The following PARD3B variants were observed in gnomAD, a reference collection of about 807,000 sequenced individuals.
PARD3B encodes par-3 family cell polarity regulator beta.
In PARD3B, 103 loss-of-function variants were observed where a neutral mutation model predicts 130.2. That is an observed-to-expected ratio of 0.79 (90% CI 0.67 to 0.93). The LOEUF (loss-of-function observed/expected upper bound fraction) is 0.93. Among genes scored for constraint, PARD3B ranks in the 40% least tolerant of loss-of-function variants. The pLI, the probability that PARD3B is intolerant of heterozygous loss-of-function variation, is 0.00. For synonymous variants in PARD3B, 583 were observed against 553.2 expected (o/e 1.05, Z -0.76); for missense variants, 1,609 against 1,499.2 (o/e 1.07, Z -1.21).
rs748008390 is a variant in PARD3B at position 205,172,218 on chromosome 2, G to T, written c.1628G>T (p.Arg543Leu). 8 of 1,613,760 alleles carry T rather than the reference G, an allele frequency of 5.0e-6. No homozygotes were observed. Among genetic ancestry groups the T allele is most frequent in the Non-Finnish European group, 6.8e-6 (8 of 1,179,864 alleles). The part of the protein sequence containing the change: ...IHGGAAFKDG[R>L]LRMNDQLIAV... ...TCCTTTCTTCTGCCTTAGGATGGTC[G>T]TCTGCGAATGAATGACCAGCTGATT... is the stretch of plus-strand genomic sequence containing the variant. The change falls in exon 12 of 23, where the codon CGT becomes CTT. Residue 543 changes from arginine to leucine, a missense_variant. Arg to Leu is a moderately radical substitution (Grantham distance 102). Coordinates refer to ENST00000406610, the MANE Select transcript of PARD3B (RefSeq NM_001302769.2).
At chr2:205,450,943 C>T (rs879893424) in intron 20 of PARD3B, among the ~76,000 whole-genome samples, 3 of 152,134 alleles carry the variant, frequency 2.0e-5, no homozygotes, top group African/African-American at 4.8e-5. Flanking sequence ...ACTTGATTGT[C>T]CATTTGGTTC....
intron 19 of PARD3B, among the ~76,000 whole-genome samples, chr2:205,429,810 G>A (rs73055903): frequency 0.048 from 7,336 of 152,222 alleles, 619 homozygotes; most frequent in African/African-American, 0.17. Context: ...GAGACCAGAA[G>A]TCTGAAATCA....
intron 18 of PARD3B, among the ~76,000 whole-genome samples, chr2:205,367,922 A>T (rs1053023435): frequency 2.0e-5 from 3 of 152,206 alleles, no homozygotes; most frequent in African/African-American, 7.2e-5. Flanking sequence ...AACCTTAACA[A>T]TTCCATTGTT....
chr2:204,653,650 G>C lies in PARD3B; in HGVS notation c.121-32531G>C, dbSNP rs997105393. On this transcript the variant is annotated intron_variant, in intron 1 of 22. Coordinates refer to ENST00000406610, the MANE Select transcript of PARD3B (RefSeq NM_001302769.2). ...TACTAAAAATACAAAAATTAGCCAG[G>C]CATGGTAGCGGGCGCCTGTAGTCCC... Among the ~76,000 whole-genome samples the C allele has an allele frequency of 4.8e-4, 72 of 150,662 alleles. 2 individuals carry two copies. Among genetic ancestry groups the C allele is most frequent in the Non-Finnish European group, 1.0e-4 (7 of 68,006 alleles).
At chr2:205,386,632 T>A (rs529564838) in intron 18 of PARD3B, among the ~76,000 whole-genome samples, 1 of 143,608 alleles carries the variant, frequency 7.0e-6, no homozygotes, top group African/African-American at 2.6e-5. Context: ...CAAAAAAAAA[T>A]GAAACTTTAA....
At chr2:204,951,713 A>G (rs956571044) in intron 2 of PARD3B, among the ~76,000 whole-genome samples, 3 of 152,190 alleles carry the variant, frequency 2.0e-5, no homozygotes, top group Non-Finnish European at 2.9e-5. Context: ...AGCCAACTGG[A>G]TGATAGAACA....
At chr2:205,034,559 A>G (rs962639759) in intron 3 of PARD3B, among the ~76,000 whole-genome samples, 1 of 152,146 alleles carries the variant, frequency 6.6e-6, no homozygotes. Flanking sequence ...ATACAACTAC[A>G]TACACAAGAC....
At chr2:205,188,694 G>A (rs2036227115) in intron 14 of PARD3B, among the ~76,000 whole-genome samples, 1 of 151,936 alleles carries the variant, frequency 6.6e-6, no homozygotes. Flanking sequence ...GCAGCAGCAG[G>A]GGTTGGATGT....
At chr2:205,581,255 T>TATATAGATATATATAG (rs2053957138) in intron 22 of PARD3B, among the ~76,000 whole-genome samples, 3 of 136,010 alleles carry the variant, frequency 2.2e-5, no homozygotes, top group African/African-American at 8.7e-5. Context: ...TATATAGATA[T>TATATAGATATATATAG]ATATAGATAT....
intron 2 of PARD3B, among the ~76,000 whole-genome samples, chr2:204,728,811 C>T (rs1452819747): frequency 5.3e-5 from 8 of 152,104 alleles, no homozygotes; most frequent in Non-Finnish European, 1.5e-5. Flanking sequence ...GTTGTCTTTT[C>T]TTCTAATTTA....
rs575770238 is a variant in PARD3B, at chr2:205,585,939, A to T, written c.3261-29517A>T. The stretch of plus-strand genomic sequence containing the variant: ...AGCAGCCTACGTCCACAATAAACCA[A>T]CAGTCCAGGCATTGGTTTCTGAGCT... On this transcript the variant is annotated intron_variant, in intron 22 of 22. Transcript: ENST00000406610. This position sits in a 1 kb window ranked among gnomAD's most constrained non-coding sequence, Gnocchi z 5.4. Among the ~76,000 whole-genome samples, 1 of 152,272 alleles carries T rather than the reference A, an allele frequency of 6.6e-6. No homozygotes were observed. The highest frequency in any genetic ancestry group is 1.9e-4 in the East Asian group (1 of 5,184).
intron 3 of PARD3B, among the ~76,000 whole-genome samples, chr2:205,047,235 G>A (rs532926471): frequency 1.4e-4 from 21 of 152,216 alleles, no homozygotes; most frequent in Non-Finnish European, 2.4e-4. Flanking sequence ...CCCTTCATTC[G>A]TCTCCTGGAT....
chr2:204,971,909 C>T (rs1197716256), intron 3 of PARD3B, among the ~76,000 whole-genome samples: 9 of 150,122 alleles, frequency 6.0e-5, no homozygotes, highest in Non-Finnish European at 4.4e-5. Flanking sequence ...TGGCCTCAAG[C>T]AGTCCTCTTC....
chr2:204,545,938 G>A lies in PARD3B; in HGVS notation c.-62G>A. 2.5e-5 allele frequency: 37 copies of A among 1,465,062 alleles called. No individual in the cohort carries two copies. The highest frequency in any genetic ancestry group is 3.3e-5 in the Non-Finnish European group (37 of 1,110,008). The allele number at this position is 1,465,062 out of a possible 1,614,324, so 90.8% of individuals were successfully genotyped here. On this transcript the variant is annotated 5_prime_UTR_variant, in exon 1 of 23. Transcript: ENST00000406610. Reference sequence around the variant, plus strand: ...GCCCCGGGCGTCCTCCGAGAGTGGGGGCTGCGCCCGCGGGGTCAGACACCT... The same window carrying A: ...GCCCCGGGCGTCCTCCGAGAGTGGGAGCTGCGCCCGCGGGGTCAGACACCT...
At chr2:204,565,402 ATGTGGTACTTTGACTGATCT>A (rs568036841) in intron 1 of PARD3B, among the ~76,000 whole-genome samples, 18 of 152,344 alleles carry the variant, frequency 1.2e-4, no homozygotes, top group Middle Eastern at 3.4e-3. Flanking sequence ...GCATTGGTTC[ATGTGGTACTTTGACTGATCT>A]TGTATTCCTG....
At chr2:204,992,039 C>G (rs1439521606) in intron 3 of PARD3B, among the ~76,000 whole-genome samples, 1 of 151,990 alleles carries the variant, frequency 6.6e-6, no homozygotes, top group Non-Finnish European at 1.5e-5. Flanking sequence ...CCTGTTTACT[C>G]TGATGGTAGT....
Position 205,543,590 on chromosome 2 carries a change from T to C in PARD3B, c.3181-9734T>C, listed in dbSNP as rs191730639. 3.3e-4 allele frequency among the ~76,000 whole-genome samples: 50 copies of C among 152,316 alleles called. 1 individual carries two copies. Among genetic ancestry groups the C allele is most frequent in the Middle Eastern group, 6.8e-3 (2 of 294 alleles). ...AGCAGCATTGTCGGGGGAGAAATGT[T>C]GCTTTGGGGTCAGACACATCTCAGT... is the stretch of plus-strand genomic sequence containing the variant. On this transcript the variant is annotated intron_variant, in intron 21 of 22. Coordinates refer to ENST00000406610, the MANE Select transcript of PARD3B (RefSeq NM_001302769.2).
chr2:204,629,199 T>G (rs549970723), intron 1 of PARD3B, among the ~76,000 whole-genome samples: 1 of 152,316 alleles, frequency 6.6e-6, no homozygotes, highest in East Asian at 1.9e-4. Flanking sequence ...ACAATGATTT[T>G]GAAATCCTAT....
intron 1 of PARD3B, among the ~76,000 whole-genome samples, chr2:204,561,756 C>T (rs866572625): frequency 4.6e-5 from 7 of 151,938 alleles, no homozygotes; most frequent in African/African-American, 4.8e-5. Flanking sequence ...CTACCACGCC[C>T]GGCTAACTTT....
Sources: allele counts gnomAD v4.1 joint callset (sites outside exome capture counted in the v4.1 genomes callset), GRCh38; gene constraint gnomAD v4.1.1; non-coding constraint Gnocchi (gnomAD v3.1); transcripts MANE v1.5; gene names NCBI Gene and HGNC (gene_info 2026-07-23, HGNC 2026-07-21).